The following UGT1A10 variants were observed in gnomAD, a reference collection of about 807,000 sequenced individuals.
The protein encoded by UGT1A10 is UDP-glucuronosyltransferase 1A10.
In UGT1A10, 49 loss-of-function variants were observed where a neutral mutation model predicts 45.8. That is an observed-to-expected ratio of 1.07 (90% CI 0.85 to 1.36). UGT1A10 has a LOEUF of 1.36. Among genes scored for constraint, UGT1A10 ranks in the 40% most tolerant of loss-of-function variants. The pLI, the probability that UGT1A10 is intolerant of heterozygous loss-of-function variation, is 0.00. For synonymous variants in UGT1A10, 284 were observed against 249.7 expected, an observed-to-expected ratio of 1.14 and a Z score of -1.29; for missense variants, 745 against 668.6, an observed-to-expected ratio of 1.11 and a Z score of -1.26.
chr2:233,682,208 A>G (rs775573603), intron 1 of UGT1A10: 4 of 1,614,200 alleles, frequency 2.5e-6, no homozygotes, highest in Non-Finnish European at 2.5e-6. Context: ...CCGGGAGTTC[A>G]TGGTTTTTGC....
chr2:233,640,483 T>A (rs2073422077), intron 1 of UGT1A10, among the ~76,000 whole-genome samples: 3 of 152,210 alleles, frequency 2.0e-5, no homozygotes. Flanking sequence ...ATCTCATTTC[T>A]AGCCCATAAT....
At chr2:233,654,969 T>C (rs2073824177) in intron 1 of UGT1A10, among the ~76,000 whole-genome samples, 1 of 151,988 alleles carries the variant, frequency 6.6e-6, no homozygotes, top group African/African-American at 2.4e-5. Context: ...CGGGCATCTG[T>C]AATCATAGCT....
intron 1 of UGT1A10, chr2:233,754,567 T>C (rs1377287717): frequency 5.0e-6 from 2 of 402,366 alleles, no homozygotes; most frequent in African/African-American, 4.2e-5. Flanking sequence ...GGGGAGCAAC[T>C]GCTCTATGCC....
At chr2:233,647,880 T>C (rs1329467285) in intron 1 of UGT1A10, 4 of 1,465,596 alleles carry the variant, frequency 2.7e-6, no homozygotes, top group African/African-American at 2.8e-5. Context: ...TCCTATTTCA[T>C]TGATTTCTAC....
chr2:233,739,022 G>C (rs1690964112), intron 1 of UGT1A10: 1 of 152,290 alleles, frequency 6.6e-6, no homozygotes, highest in Non-Finnish European at 1.5e-5. Flanking sequence ...TCCAGCCATG[G>C]CTAAAAGGGG....
intron 1 of UGT1A10, among the ~76,000 whole-genome samples, chr2:233,640,935 T>C (rs933376852): frequency 1.3e-5 from 2 of 152,188 alleles, no homozygotes; most frequent in African/African-American, 4.8e-5. Context: ...GCAGATGAAC[T>C]ATAAGTCTCC....
rs921224887 is a variant in UGT1A10, at chr2:233,769,400, T to A, written c.1295+961T>A. ...TCCGACAATAGATACTGTGTGCATA[T>A]GTGCGTGTGCGTTTGTGCATGTGGC... On this transcript the variant is annotated intron_variant, in intron 4 of 4. Coordinates refer to ENST00000344644, the MANE Select transcript of UGT1A10 (RefSeq NM_019075.4). The surrounding 1 kb of genome is among the most constrained non-coding windows in gnomAD (Gnocchi z 4.4). 3.4e-6 allele frequency: 4 copies of A among 1,182,114 alleles called. No homozygotes were observed. Among genetic ancestry groups the A allele is most frequent in the Non-Finnish European group, 4.9e-6 (4 of 819,978 alleles). The allele number at this position is 1,182,114 out of a possible 1,614,324, so 73.2% of individuals were successfully genotyped here. A position where few individuals can be genotyped will look rare whatever the true frequency, so the allele number is the denominator to read the frequency against.
At chr2:233,662,566 T>A (rs1376871978) in intron 1 of UGT1A10, among the ~76,000 whole-genome samples, 3 of 152,236 alleles carry the variant, frequency 2.0e-5, no homozygotes, top group Non-Finnish European at 4.4e-5. Context: ...CCATAGATGA[T>A]CATGTTGACT....
At chr2:233,691,426 G>A in intron 1 of UGT1A10, 1 of 985,576 alleles carries the variant, frequency 1.0e-6, no homozygotes, top group South Asian at 4.7e-5. Flanking sequence ...CTCTAATCAT[G>A]TTGCTCAGGC....
chr2:233,772,177 GTCT>G, intron 4 of UGT1A10, 82 bp from the exon 5 acceptor site: 1 of 1,583,018 alleles, frequency 6.3e-7, no homozygotes. Flanking sequence ...AAATCTGGTA[GTCT>G]TCTTAAGCAG....
At chr2:233,759,379 A>G (rs6723506) in intron 1 of UGT1A10, among the ~76,000 whole-genome samples, 3,469 of 152,254 alleles carry the variant, frequency 0.023, 66 homozygotes, top group South Asian at 0.044. Flanking sequence ...ACAGGTTTTC[A>G]GGATACTCAG....
chr2:233,663,499 T>C (rs1361151368), intron 1 of UGT1A10, among the ~76,000 whole-genome samples: 1 of 152,032 alleles, frequency 6.6e-6, no homozygotes, highest in Admixed American at 6.6e-5. Context: ...AGCTGATCCA[T>C]CAAGGACAGG....
At chr2:233,656,385 T>C (rs2073853537) in intron 1 of UGT1A10, among the ~76,000 whole-genome samples, 2 of 152,214 alleles carry the variant, frequency 1.3e-5, no homozygotes, top group Non-Finnish European at 2.9e-5. Flanking sequence ...TCTTGTCCAA[T>C]GAAAGCAGTA....
At chr2:233,728,836 G>C (rs2077754966) in intron 1 of UGT1A10, among the ~76,000 whole-genome samples, 1 of 152,210 alleles carries the variant, frequency 6.6e-6, no homozygotes, top group Non-Finnish European at 1.5e-5. Flanking sequence ...TCACAGCCTT[G>C]TGTTGGGAAT....
chr2:233,654,626 C>G (rs2073814600), intron 1 of UGT1A10, among the ~76,000 whole-genome samples: 1 of 152,152 alleles, frequency 6.6e-6, no homozygotes, highest in Admixed American at 6.5e-5. Flanking sequence ...AAATGCAAAA[C>G]TACTGATGAT....
intron 1 of UGT1A10, among the ~76,000 whole-genome samples, chr2:233,703,726 CT>C (rs958884874): frequency 4.0e-5 from 6 of 151,698 alleles, no homozygotes; most frequent in Admixed American, 1.3e-4. Context: ...TAAATATAAA[CT>C]TTTTTTTGTT....
intron 1 of UGT1A10, among the ~76,000 whole-genome samples, chr2:233,749,776 T>C (rs995320818): frequency 2.6e-5 from 4 of 151,902 alleles, no homozygotes; most frequent in African/African-American, 9.7e-5. Flanking sequence ...CTGATGGTTT[T>C]ATAAGGGGCC....
chr2:233,720,054 T>A (rs1306889696), intron 1 of UGT1A10, among the ~76,000 whole-genome samples: 1 of 152,204 alleles, frequency 6.6e-6, no homozygotes, highest in African/African-American at 2.4e-5. Context: ...TGAACGGTGA[T>A]GCAACAGTAA....
chr2:233,645,352 T>C (rs1227534978), intron 1 of UGT1A10, among the ~76,000 whole-genome samples: 2 of 152,040 alleles, frequency 1.3e-5, no homozygotes, highest in Non-Finnish European at 2.9e-5. Context: ...TCCACCCTGG[T>C]CCCTCCCAAA....
Sources: allele counts gnomAD v4.1 joint callset (sites outside exome capture counted in the v4.1 genomes callset), GRCh38; gene constraint gnomAD v4.1.1; non-coding constraint Gnocchi (gnomAD v3.1); transcripts MANE v1.5; gene names NCBI Gene and HGNC (gene_info 2026-07-23, HGNC 2026-07-21).